The following PTPRG variants were observed in gnomAD, a reference collection of about 807,000 sequenced individuals.
The protein encoded by PTPRG is protein tyrosine phosphatase receptor type G, also known as receptor-type tyrosine-protein phosphatase gamma.
Under a neutral mutation model 165.3 loss-of-function variants are expected in PTPRG, and 102 were observed. That is an observed-to-expected ratio of 0.62 (90% CI 0.53 to 0.73). The LOEUF (loss-of-function observed/expected upper bound fraction) is 0.73, where lower values mean the gene tolerates loss of function less well. Ranked by LOEUF, PTPRG falls within the 30% of genes least tolerant of loss-of-function variation. The probability of loss-of-function intolerance (pLI) is 0.00; values close to 1 mark genes in which losing one functional copy is unlikely to be tolerated. For missense variants in PTPRG, 1,866 were observed against 1,861.4 expected, an observed-to-expected ratio of 1.00 and a Z score of -0.05; for synonymous variants, 675 against 669.5, an observed-to-expected ratio of 1.01 and a Z score of -0.13.
intron 12 of PTPRG, among the ~76,000 whole-genome samples, chr3:62,207,533 T>A (rs1055287416): frequency 1.3e-5 from 2 of 152,226 alleles, no homozygotes; most frequent in Non-Finnish European, 2.9e-5. Context: ...TTAAGGACTT[T>A]GTGTGTACAT....
chr3:61,790,018 G>A (rs541678387), intron 2 of PTPRG, among the ~76,000 whole-genome samples: 6 of 152,154 alleles, frequency 3.9e-5, no homozygotes, highest in Admixed American at 2.6e-4. Context: ...CGGCATGGCC[G>A]TGGGATTCAG....
chr3:62,047,001 G>T (rs1426817926), intron 4 of PTPRG, among the ~76,000 whole-genome samples: 3 of 152,092 alleles, frequency 2.0e-5, no homozygotes, highest in Non-Finnish European at 2.9e-5. Context: ...GATACAAGTG[G>T]GGCTTAGAGA....
chr3:61,826,433 C>T (rs2036115084), intron 2 of PTPRG, among the ~76,000 whole-genome samples: 1 of 152,030 alleles, frequency 6.6e-6, no homozygotes, highest in Admixed American at 6.6e-5. Context: ...ATGCATTTAT[C>T]CTTTCACCTG....
intron 2 of PTPRG, among the ~76,000 whole-genome samples, chr3:61,765,674 G>A (rs1030819617): frequency 3.9e-5 from 6 of 152,168 alleles, no homozygotes; most frequent in Non-Finnish European, 7.4e-5. Context: ...ACAGGCTACC[G>A]TGATCCAGCT....
intron 2 of PTPRG, among the ~76,000 whole-genome samples, chr3:61,982,947 A>G (rs2040674968): frequency 6.6e-6 from 1 of 152,200 alleles, no homozygotes; most frequent in Non-Finnish European, 1.5e-5. Context: ...TTCTTTAAGC[A>G]CACCATTGAT....
intron 2 of PTPRG, among the ~76,000 whole-genome samples, chr3:61,851,343 G>C (rs537191236): frequency 2.0e-5 from 3 of 152,254 alleles, no homozygotes; most frequent in African/African-American, 7.2e-5. Context: ...TTTTATAGGA[G>C]GGTGAATACC....
intron 1 of PTPRG, among the ~76,000 whole-genome samples, chr3:61,579,875 C>T (rs1700244749): frequency 6.6e-6 from 1 of 152,164 alleles, no homozygotes; most frequent in Non-Finnish European, 1.5e-5. Flanking sequence ...ACACAGCTGA[C>T]CCTCGAACAA....
Position 62,281,544 on chromosome 3 carries a change from T to TTTTTTTTTTTTTTTTTTTTTTTG in PTPRG, c.3766-12_3766-11insTTTTTTTTTTTTTTTGTTTTTTT. 7.3e-7 allele frequency: 1 copy of TTTTTTTTTTTTTTTTTTTTTTTG among 1,367,926 alleles called. No individual in the cohort carries two copies. The highest frequency in any genetic ancestry group is 9.8e-7 in the Non-Finnish European group (1 of 1,023,234). The allele number at this position is 1,367,926 out of a possible 1,614,324, so 84.7% of individuals were successfully genotyped here. A position where few individuals can be genotyped will look rare whatever the true frequency, so the allele number is the denominator to read the frequency against. On this transcript the variant is annotated intron_variant, in intron 26 of 29. Transcript: ENST00000474889. Reference sequence around the variant, plus strand: ...CTTGACAGAACTGCAGAGGCTTTTTTTTTTTTTGGATTCCAAAGGCAGAAG... The same window carrying TTTTTTTTTTTTTTTTTTTTTTTG: ...CTTGACAGAACTGCAGAGGCTTTTTTTTTTTTTTTTTTTTTTTTTTTTGTTTTTTTGGATTCCAAAGGCAGAAG...
intron 6 of PTPRG, among the ~76,000 whole-genome samples, chr3:62,139,453 T>C (rs981617374): frequency 6.6e-6 from 1 of 151,986 alleles, no homozygotes; most frequent in Non-Finnish European, 1.5e-5. Context: ...AGGGAGACTC[T>C]GTCCCCCCTT....
chr3:61,637,165 T>C (rs1203774118), intron 1 of PTPRG, among the ~76,000 whole-genome samples: 2 of 152,222 alleles, frequency 1.3e-5, no homozygotes, highest in East Asian at 1.9e-4. Flanking sequence ...ATTCTAAAAA[T>C]CCTTATGTTT....
chr3:61,805,530 C>CAAAAAAAAAAA (rs58646519), intron 2 of PTPRG, among the ~76,000 whole-genome samples: 1 of 96,536 alleles, frequency 1.0e-5, no homozygotes, highest in Non-Finnish European at 2.3e-5. Flanking sequence ...ATGGGAAAGA[C>CAAAAAAAAAAA]AAAAAAAAAA....
chr3:62,009,176 G>T (rs1368251345), intron 4 of PTPRG, among the ~76,000 whole-genome samples: 2 of 152,082 alleles, frequency 1.3e-5, no homozygotes, highest in African/African-American at 4.8e-5. Context: ...CCATTGTATG[G>T]GTCTCATGCC....
At chr3:62,164,981 A>C (rs893649987) in intron 7 of PTPRG, among the ~76,000 whole-genome samples, 16 of 152,182 alleles carry the variant, frequency 1.1e-4, no homozygotes, top group Non-Finnish European at 2.1e-4. Context: ...TTCACGATGT[A>C]TGGCAGCCCA....
intron 4 of PTPRG, among the ~76,000 whole-genome samples, chr3:62,035,030 G>A (rs374273248): frequency 1.3e-5 from 2 of 152,128 alleles, no homozygotes; most frequent in African/African-American, 4.8e-5. Context: ...CTACAGTGGG[G>A]ACTCCACCAA....
At chr3:61,857,072 CTG>C (rs1001386656) in intron 2 of PTPRG, among the ~76,000 whole-genome samples, 1 of 151,912 alleles carries the variant, frequency 6.6e-6, no homozygotes, top group Non-Finnish European at 1.5e-5. Context: ...TTTCCTATTT[CTG>C]TGTGTGTCTA....
chr3:62,097,716 G>A (rs1702163617), intron 5 of PTPRG, among the ~76,000 whole-genome samples: 1 of 152,142 alleles, frequency 6.6e-6, no homozygotes, highest in South Asian at 2.1e-4. Context: ...GCATGGTGTT[G>A]ATTTTCTTCT....
chr3:62,059,672 T>C (rs1425787162), intron 4 of PTPRG, among the ~76,000 whole-genome samples: 1 of 152,116 alleles, frequency 6.6e-6, no homozygotes, highest in African/African-American at 2.4e-5. Flanking sequence ...CCCCATGATA[T>C]GGTTTGGCTG....
intron 3 of PTPRG, among the ~76,000 whole-genome samples, chr3:61,995,084 CTTTTTTTT>C (rs761499179): frequency 5.9e-4 from 21 of 35,408 alleles, no homozygotes; most frequent in East Asian, 2.4e-3. Flanking sequence ...TTCTTTCTTT[CTTTTTTTT>C]TTTTTTTTTT....
At chr3:62,003,250 A>G in intron 3 of PTPRG, 99 bp from the exon 4 acceptor site, 1 of 1,358,572 alleles carries the variant, frequency 7.4e-7, no homozygotes, top group Non-Finnish European at 1.0e-6. Flanking sequence ...GACATAATTC[A>G]TATCATGGTA....
Sources: gnomAD v4.1 joint callset for allele counts (sites outside exome capture counted in the v4.1 genomes callset) on GRCh38, gnomAD v4.1.1 for gene constraint, MANE v1.5 for transcripts, NCBI Gene and HGNC (gene_info 2026-07-23, HGNC 2026-07-21) for gene names.